Variants in CNTN4 observed in about 807,000 individuals in gnomAD.
The protein encoded by CNTN4 is contactin-4.
In CNTN4, 77 loss-of-function variants were observed where a neutral mutation model predicts 122.5. The ratio of observed to expected loss-of-function variants is 0.63; its 90% confidence interval spans 0.52 to 0.76. The LOEUF is 0.76. Ranked by LOEUF, CNTN4 falls within the 30% of genes least tolerant of loss-of-function variation. The probability of loss-of-function intolerance (pLI) is 0.00; values close to 1 mark genes in which losing one functional copy is unlikely to be tolerated. For missense variants in CNTN4, 1,256 were observed against 1,259.1 expected (o/e 1.00, Z 0.04); for synonymous variants, 512 against 447.0 (o/e 1.15, Z -1.83).
At chr3:2,210,332 A>G (rs1373720402) in intron 2 of CNTN4, among the ~76,000 whole-genome samples, 1 of 152,202 alleles carries the variant, frequency 6.6e-6, no homozygotes, top group Non-Finnish European at 1.5e-5. Context: ...TTGTAGGAGA[A>G]TAGACTTCCC....
chr3:3,013,281 C>G (rs1308189282), intron 14 of CNTN4, among the ~76,000 whole-genome samples: 1 of 152,140 alleles, frequency 6.6e-6, no homozygotes, highest in Non-Finnish European at 1.5e-5. Context: ...CTAATCAGTG[C>G]TGTATGGCCA....
At chr3:2,375,055 T>A (rs939989464) in intron 3 of CNTN4, among the ~76,000 whole-genome samples, 4 of 152,224 alleles carry the variant, frequency 2.6e-5, no homozygotes, top group Non-Finnish European at 4.4e-5. Flanking sequence ...ATATGATATC[T>A]TAGAAAGTCA....
At chr3:2,360,537 A>T (rs1200962596) in intron 3 of CNTN4, among the ~76,000 whole-genome samples, 1 of 152,166 alleles carries the variant, frequency 6.6e-6, no homozygotes, top group Non-Finnish European at 1.5e-5. Flanking sequence ...TGCTATAAAG[A>T]ACTTCCCGAG....
intron 14 of CNTN4, among the ~76,000 whole-genome samples, chr3:3,011,157 G>T (rs963235035): frequency 2.0e-5 from 3 of 152,078 alleles, no homozygotes; most frequent in African/African-American, 7.2e-5. Context: ...GACAAGTGGG[G>T]GAAGAAAAGG....
rs996774792 is a variant in CNTN4, at chr3:2,741,846, G to A, written c.183-3676G>A. 2.0e-5 allele frequency among the ~76,000 whole-genome samples: 3 copies of A among 152,198 alleles called. No homozygotes were observed. In the East Asian group the frequency reaches 5.8e-4, roughly 29 times the overall value. On this transcript the variant is annotated intron_variant, in intron 5 of 24. Coordinates refer to ENST00000418658, the MANE Select transcript of CNTN4 (RefSeq NM_175607.3). ...TAACACTGTGTTTCTAGATATAGGA[G>A]TTTGCCTTGTTATTTAAAGCAAGCA...
intron 2 of CNTN4, among the ~76,000 whole-genome samples, chr3:2,234,247 G>A (rs7640993): frequency 6.6e-6 from 1 of 151,492 alleles, no homozygotes; most frequent in Non-Finnish European, 1.5e-5. Flanking sequence ...GCATGGTAAC[G>A]CACACCTGTA....
intron 4 of CNTN4, among the ~76,000 whole-genome samples, chr3:2,574,592 A>G (rs2079575726): frequency 2.0e-5 from 3 of 152,178 alleles, no homozygotes; most frequent in Admixed American, 2.0e-4. Context: ...GATGCCAGTA[A>G]TCTAAAAGTT....
At chr3:2,708,393 A>G (rs1045256454) in intron 4 of CNTN4, among the ~76,000 whole-genome samples, 12 of 152,220 alleles carry the variant, frequency 7.9e-5, no homozygotes, top group African/African-American at 2.4e-4. Context: ...AAATGATTAT[A>G]ATTATCTGGA....
At chr3:2,595,516 C>T (rs535353585) in intron 4 of CNTN4, among the ~76,000 whole-genome samples, 86 of 152,242 alleles carry the variant, frequency 5.6e-4, no homozygotes, top group African/African-American at 1.9e-3. Flanking sequence ...CAGTGTGGCT[C>T]TGTGTTCCTA....
chr3:2,304,716 G>A (rs1386668956), intron 2 of CNTN4, among the ~76,000 whole-genome samples: 1 of 151,324 alleles, frequency 6.6e-6, no homozygotes, highest in African/African-American at 2.4e-5. Context: ...CTCAACAGAA[G>A]CAGATAAACA....
At chr3:3,040,334 G>A (rs1700037717) in intron 20 of CNTN4, 63 bp downstream of exon 20, 3 of 1,264,880 alleles carry the variant, frequency 2.4e-6, no homozygotes, top group South Asian at 2.4e-5. Context: ...AATGTGGATT[G>A]TAGCACGTAC....
chr3:2,913,579 A>G (rs941101162), intron 12 of CNTN4, among the ~76,000 whole-genome samples: 2 of 152,370 alleles, frequency 1.3e-5, no homozygotes, highest in East Asian at 1.9e-4. Flanking sequence ...AAAACATTAT[A>G]TAATGATAAA....
intron 3 of CNTN4, among the ~76,000 whole-genome samples, chr3:2,560,647 G>C (rs1320501063): frequency 6.6e-6 from 1 of 152,170 alleles, no homozygotes; most frequent in Non-Finnish European, 1.5e-5. Flanking sequence ...AACAATACAA[G>C]TCCAAGACTT....
intron 2 of CNTN4, among the ~76,000 whole-genome samples, chr3:2,246,118 A>C (rs370794911): frequency 2.0e-5 from 3 of 151,986 alleles, no homozygotes; most frequent in Admixed American, 1.3e-4. Context: ...TTAACCCTAC[A>C]TTCTCTGATA....
At chr3:2,254,618 G>T (rs770686165) in intron 2 of CNTN4, among the ~76,000 whole-genome samples, 29 of 152,154 alleles carry the variant, frequency 1.9e-4, no homozygotes, top group African/African-American at 6.0e-4. Context: ...TTGTGGTTTT[G>T]ATTTGCATTC....
At chr3:2,943,623 TATATA>T (rs1559699101) in intron 13 of CNTN4, among the ~76,000 whole-genome samples, 2 of 78,314 alleles carry the variant, frequency 2.6e-5, no homozygotes, top group South Asian at 4.6e-4. Flanking sequence ...TATATATATA[TATATA>T]TATTTTTTTT....
At chr3:2,121,398 C>T (rs149296348) in intron 2 of CNTN4, among the ~76,000 whole-genome samples, 2,054 of 151,080 alleles carry the variant, frequency 0.014, 37 homozygotes, top group African/African-American at 0.047. Flanking sequence ...CTCAGGAGGC[C>T]GAGGCAGGAG....
intron 2 of CNTN4, among the ~76,000 whole-genome samples, chr3:2,118,092 T>C (rs1377864522): frequency 6.6e-6 from 1 of 152,262 alleles, no homozygotes; most frequent in Non-Finnish European, 1.5e-5. Context: ...ACATTTATAA[T>C]GTACCAAGGA....
chr3:2,797,818 G>A (rs934033640), intron 6 of CNTN4, among the ~76,000 whole-genome samples: 7 of 151,548 alleles, frequency 4.6e-5, no homozygotes, highest in African/African-American at 1.7e-4. Flanking sequence ...ATTCTAGGGT[G>A]TTAACAATGT....
Sources: allele counts gnomAD v4.1 joint callset (sites outside exome capture counted in the v4.1 genomes callset), GRCh38; gene constraint gnomAD v4.1.1; transcripts MANE v1.5; gene names NCBI Gene and HGNC (gene_info 2026-07-23, HGNC 2026-07-21).